Variants in FXR2 observed in about 807,000 individuals in gnomAD.
FXR2 encodes the protein RNA-binding protein FXR2.
FXR2 carries 9 observed loss-of-function variants against 87.3 expected under a neutral mutation model. That is an observed-to-expected ratio of 0.10 (90% CI 0.06 to 0.18). The LOEUF (loss-of-function observed/expected upper bound fraction) is 0.18, where lower values mean the gene tolerates loss of function less well. Ranked by LOEUF, FXR2 falls within the 10% of genes least tolerant of loss-of-function variation. FXR2 has a pLI of 1.00. For synonymous variants in FXR2, 331 were observed against 328.3 expected, an observed-to-expected ratio of 1.01 and a Z score of -0.09; for missense variants, 661 against 893.6, an observed-to-expected ratio of 0.74 and a Z score of 3.32.
chr17:7,600,897 C>T (rs1220814194), intron 7 of FXR2, among the ~76,000 whole-genome samples: 1 of 150,798 alleles, frequency 6.6e-6, no homozygotes, highest in East Asian at 2.0e-4. Context: ...AAAAACCATT[C>T]AGCCAGGTGT....
chr17:7,614,424 G>C, intron 1 of FXR2, 28 bp downstream of exon 1: 1 of 1,490,596 alleles, frequency 6.7e-7, no homozygotes, highest in Non-Finnish European at 9.0e-7. Flanking sequence ...GCTAAGGACC[G>C]GCGTCCCCAG....
chr17:7,607,091 GGC>G, intron 1 of FXR2, among the ~76,000 whole-genome samples: 1 of 152,172 alleles, frequency 6.6e-6, no homozygotes, highest in Non-Finnish European at 1.5e-5. Flanking sequence ...GGACGAGGCA[GGC>G]AGATCACCTG....
chr17:7,606,407 C>G (rs1189176306), intron 1 of FXR2, among the ~76,000 whole-genome samples: 1 of 152,226 alleles, frequency 6.6e-6, no homozygotes, highest in Non-Finnish European at 1.5e-5. Context: ...TCTACTCAGG[C>G]TCCCACAGGG....
Position 7,593,812 on chromosome 17 carries a change from G to C in FXR2, c.1107+106C>G, listed in dbSNP as rs979768821. 1 of 872,532 alleles carries C rather than the reference G, an allele frequency of 1.1e-6. No individual in the cohort carries two copies. Among genetic ancestry groups the C allele is most frequent in the Non-Finnish European group, 1.9e-6 (1 of 531,194 alleles). 54.0% of individuals were successfully genotyped at this position (872,532 alleles called of 1,614,324 possible). A position where few individuals can be genotyped will look rare whatever the true frequency, so the allele number is the denominator to read the frequency against. ...CCCCAAATTTCCACAGATGTTTTCTGTTCTACACGGAGAGACAAACAGAGA... is the reference window on the plus strand; with the variant it reads ...CCCCAAATTTCCACAGATGTTTTCTCTTCTACACGGAGAGACAAACAGAGA... On this transcript the variant is annotated intron_variant, in intron 11 of 16. Coordinates refer to ENST00000250113, the MANE Select transcript of FXR2 (RefSeq NM_004860.4). This position sits in a 1 kb window ranked among gnomAD's most constrained non-coding sequence, Gnocchi z 6.1.
rs1162446541 is a variant in FXR2 at position 7,609,930 on chromosome 17, G to GTA, written c.82-3783_82-3782dup. Among the ~76,000 whole-genome samples, 407 of 78,968 alleles carry GTA rather than the reference G, an allele frequency of 5.2e-3. 4 individuals carry two copies. The highest frequency in any genetic ancestry group is 0.018 in the African/African-American group (358 of 19,778). The allele number at this position is 78,968 out of a possible 152,430, so 51.8% of individuals were successfully genotyped here. Reference sequence around the variant, plus strand: ...TATATATGTATATATACATGTATATGTATATATATACATGTATATGTATAC... The same window carrying GTA: ...TATATATGTATATATACATGTATATGTATATATATATACATGTATATGTATAC... On this transcript the variant is annotated intron_variant, in intron 1 of 16. Coordinates refer to ENST00000250113, the MANE Select transcript of FXR2 (RefSeq NM_004860.4).
rs1244440385 is a variant in FXR2 at position 7,593,047 on chromosome 17, C to A, written c.1465G>T (p.Gly489Cys). The A allele has an allele frequency of 6.3e-7, 1 of 1,582,178 alleles. No homozygotes were observed. ...CGGGGGGCAGGTGGGGGTCCCCTAC[C>A]CCGGCCCCCAGTCGGCCGCCTCCGG... ...ESRRRPTGGRGRGPPPAPRPT... is the reference protein window; with the variant it reads ...ESRRRPTGGRCRGPPPAPRPT... The change falls in exon 13 of 17, where the codon GGT becomes TGT. Residue 489 changes from glycine to cysteine, a missense_variant. Gly to Cys is a radical substitution (Grantham distance 159, BLOSUM62 -3). Coordinates refer to ENST00000250113, the MANE Select transcript of FXR2 (RefSeq NM_004860.4). This position sits in a 1 kb window ranked among gnomAD's most constrained non-coding sequence, Gnocchi z 6.1.
At chr17:7,608,126 A>T (rs947954398) in intron 1 of FXR2, among the ~76,000 whole-genome samples, 4 of 151,120 alleles carry the variant, frequency 2.6e-5, no homozygotes, top group Non-Finnish European at 5.9e-5. Context: ...TTAAATTAAA[A>T]TTTTTTTTTA....
Position 7,594,426 on chromosome 17 carries a change from C to T in FXR2, c.911-79G>A, listed in dbSNP as rs146389871. 8.0e-6 allele frequency: 7 copies of T among 879,498 alleles called. No individual in the cohort carries two copies. The highest frequency in any genetic ancestry group is 1.7e-5 in the African/African-American group (1 of 59,402). The allele number at this position is 879,498 out of a possible 1,614,324, so 54.5% of individuals were successfully genotyped here. A position where few individuals can be genotyped will look rare whatever the true frequency, so the allele number is the denominator to read the frequency against. On this transcript the variant is annotated intron_variant, in intron 9 of 16. Transcript: ENST00000250113. This position sits in a 1 kb window ranked among gnomAD's most constrained non-coding sequence, Gnocchi z 5.1. ...ATAAAGCTGATACACCGTCTTCCAG[C>T]CTCATTTTCTTTATATGGATTCCAT...
In FXR2 at chr17:7,609,925, T is replaced by C. The variant is rs57883166; in HGVS notation, c.82-3776A>G. Among the ~76,000 whole-genome samples, 224 of 111,956 alleles carry C rather than the reference T, an allele frequency of 2.0e-3. 1 individual carries two copies. Among genetic ancestry groups the C allele is most frequent in the Middle Eastern group, 8.2e-3 (2 of 244 alleles). The allele number at this position is 111,956 out of a possible 152,430, so 73.4% of individuals were successfully genotyped here. A position where few individuals can be genotyped will look rare whatever the true frequency, so the allele number is the denominator to read the frequency against. On this transcript the variant is annotated intron_variant, in intron 1 of 16. Transcript: ENST00000250113. ...ATACATATATATGTATATATACATG[T>C]ATATGTATATATATACATGTATATG...
rs776484282 is a variant in FXR2, at chr17:7,592,339, T to C, written c.1841A>G (p.Tyr614Cys). Residue 614 changes from tyrosine (Y) to cysteine (C), a missense_variant, in exon 16 of 17, where the codon TAT becomes TGT. Tyr to Cys is a radical substitution (Grantham distance 194). Around this residue, in one of 3 missense-constraint regions of FXR2, gnomAD observed 409 missense variants for 432.0 expected, o/e 0.95. Transcript: ENST00000250113. The surrounding 1 kb of genome is among the most constrained non-coding windows in gnomAD (Gnocchi z 4.8). ...GDRQPVTVAD[Y>C]ISRAESQSRQ... ...GCTCTGAGACTCTGCTCGTGAGATA[T>C]AGTCAGCCACAGTCACTGGGGAAGG... The C allele has an allele frequency of 1.1e-5, 17 of 1,612,332 alleles. No homozygotes were observed. The highest frequency in any genetic ancestry group is 4.5e-5 in the East Asian group (2 of 44,872).
In FXR2 at chr17:7,594,944, AAAAATACT is replaced by A. The variant is rs1423852845; in HGVS notation, c.832-195_832-188del. Among the ~76,000 whole-genome samples the A allele has an allele frequency of 1.3e-5, 2 of 151,894 alleles. No individual in the cohort carries two copies. Among genetic ancestry groups the A allele is most frequent in the African/African-American group, 4.8e-5 (2 of 41,326 alleles). On this transcript the variant is annotated intron_variant, in intron 8 of 16. Coordinates refer to ENST00000250113, the MANE Select transcript of FXR2 (RefSeq NM_004860.4). The surrounding 1 kb of genome is among the most constrained non-coding windows in gnomAD (Gnocchi z 5.1). ...ACTAAAAATACAAAAATCAAAATAC[AAAAATACT>A]AAAATACTAAAAATACAAAATTGGT... is the stretch of plus-strand genomic sequence containing the variant.
At chr17:7,597,297 C>T (rs2071715029) in intron 7 of FXR2, among the ~76,000 whole-genome samples, 1 of 152,130 alleles carries the variant, frequency 6.6e-6, no homozygotes, top group African/African-American at 2.4e-5. Flanking sequence ...GATTGAAATA[C>T]ACTACTTCCC....
rs759684574 is a variant in FXR2, at chr17:7,614,559, C to G, written c.-27G>C. 1.4e-6 allele frequency: 2 copies of G among 1,414,080 alleles called. No individual in the cohort carries two copies. The highest frequency in any genetic ancestry group is 1.9e-6 in the Non-Finnish European group (2 of 1,077,314). 87.6% of individuals were successfully genotyped at this position (1,414,080 alleles called of 1,614,324 possible). On this transcript the variant is annotated 5_prime_UTR_variant, in exon 1 of 17. Transcript: ENST00000250113. ...GCGCCGCCACCGCCTCCGACTCCCC[C>G]GGCGGCGGCTGCAGCAGCAGTCTGA...
At position 7,601,421 on chromosome 17, in the gene FXR2, G is replaced by A; in HGVS notation, c.648C>T (p.Thr216=). The change falls in exon 7 of 17, where the codon ACC becomes ACT. Residue 216 remains threonine, a synonymous_variant. Transcript: ENST00000250113. ...AGCTAAAAGTTACCTCTAGGTGCTT[G>A]GTAGCTTCTTCATTGCGGGACATAA... ...LLLMSRNEEA[T]KHLETSKQLA... The A allele has an allele frequency of 1.2e-6, 2 of 1,601,936 alleles. No homozygotes were observed. Among genetic ancestry groups the A allele is most frequent in the Non-Finnish European group, 8.6e-7 (1 of 1,169,028 alleles).
chr17:7,593,556 G>A lies in FXR2; in HGVS notation c.1177C>T (p.Arg393Cys), dbSNP rs765972553. The change falls in exon 12 of 17, where the codon CGC (arginine) becomes TGC (cysteine). Residue 393 changes from arginine (R) to cysteine (C), a missense_variant. This residue lies in a region of FXR2 where 409 missense variants were observed against 432.0 expected (regional missense o/e 0.95). Transcript: ENST00000250113. The surrounding 1 kb of genome is among the most constrained non-coding windows in gnomAD (Gnocchi z 6.1). ...CTGCCCCGCCCACTCCCAGGAGGGC[G>A]AAAGCCCAGCCCAATCTGCCGAAGC... is the stretch of plus-strand genomic sequence containing the variant. ...EQLRQIGLGF[R>C]PPGSGRGSGG... 22 of 1,596,634 alleles carry A rather than the reference G, an allele frequency of 1.4e-5. No individual in the cohort carries two copies. Among genetic ancestry groups the A allele is most frequent in the South Asian group, 1.3e-4 (11 of 87,998 alleles).
rs2071920537 is a variant in FXR2 at position 7,614,445 on chromosome 17, G to T, written c.81+7C>A. On this transcript the variant is annotated splice_region_variant and intron_variant, in intron 1 of 16. Transcript: ENST00000250113. The stretch of plus-strand genomic sequence containing the variant: ...GACCGGCGTCCCCAGTCGGCGCGCC[G>T]TCTCACCTTGTAGAAGGCCCCGTTG... The T allele has an allele frequency of 2.0e-6, 3 of 1,531,872 alleles. No homozygotes were observed. The highest frequency in any genetic ancestry group is 2.5e-5 in the East Asian group (1 of 39,584). The allele number at this position is 1,531,872 out of a possible 1,614,324, so 94.9% of individuals were successfully genotyped here. A position where few individuals can be genotyped will look rare whatever the true frequency, so the allele number is the denominator to read the frequency against.
At chr17:7,614,047 C>G (rs1342373998) in intron 1 of FXR2, 1 of 466,226 alleles carries the variant, frequency 2.1e-6, no homozygotes, top group Admixed American at 2.3e-5. Flanking sequence ...CCCAAAGGGA[C>G]CGTGTGGAAG....
In FXR2 at chr17:7,614,857, C is replaced by A. The variant is rs1268089267; in HGVS notation, c.-325G>T. On this transcript the variant is annotated 5_prime_UTR_variant, in exon 1 of 17. Coordinates refer to ENST00000250113, the MANE Select transcript of FXR2 (RefSeq NM_004860.4). ...CCGGGACCCGCTGCTGCCGCTGCCG[C>A]TCCACAGCCTCCACCTCCCCCTGCC... 1.2e-5 allele frequency: 2 copies of A among 160,588 alleles called. No individual in the cohort carries two copies. Among genetic ancestry groups the A allele is most frequent in the African/African-American group, 2.4e-5 (1 of 41,598 alleles). 9.9% of individuals were successfully genotyped at this position (160,588 alleles called of 1,614,324 possible). A position where few individuals can be genotyped will look rare whatever the true frequency, so the allele number is the denominator to read the frequency against.
intron 1 of FXR2, among the ~76,000 whole-genome samples, chr17:7,609,118 AAAAT>A (rs1473169450): frequency 1.5e-4 from 23 of 152,238 alleles, no homozygotes; most frequent in African/African-American, 5.3e-4. Context: ...CTCAAAAAAC[AAAAT>A]AAATAAACAA....
Sources: allele counts gnomAD v4.1 joint callset (sites outside exome capture counted in the v4.1 genomes callset), GRCh38; gene constraint gnomAD v4.1.1; regional missense constraint gnomAD v4.1.1; non-coding constraint Gnocchi (gnomAD v3.1); transcripts MANE v1.5; gene names NCBI Gene and HGNC (gene_info 2026-07-23, HGNC 2026-07-21).